DTNB: variants seen among roughly 807,000 people sequenced by gnomAD.
DTNB encodes the protein DTN-B.
DTNB carries 63 observed loss-of-function variants against 90.7 expected under a neutral mutation model. The ratio of observed to expected loss-of-function variants is 0.69; its 90% confidence interval spans 0.57 to 0.86. DTNB has a LOEUF of 0.86. Ranked by LOEUF, DTNB falls within the 40% of genes least tolerant of loss-of-function variation. DTNB has a pLI of 0.00. For synonymous variants in DTNB, 277 were observed against 286.7 expected (o/e 0.97, Z 0.34); for missense variants, 744 against 807.1 (o/e 0.92, Z 0.95).
intron 1 of DTNB, among the ~76,000 whole-genome samples, chr2:25,664,902 G>C (rs374598179): frequency 6.6e-6 from 1 of 152,168 alleles, no homozygotes; most frequent in South Asian, 2.1e-4. Context: ...GGCAACATGA[G>C]GCCTCAAGGA....
intron 9 of DTNB, among the ~76,000 whole-genome samples, chr2:25,515,422 AG>A (rs2074885717): frequency 6.6e-6 from 1 of 152,214 alleles, no homozygotes; most frequent in Non-Finnish European, 1.5e-5. Flanking sequence ...TACAGCTATA[AG>A]GACAGATACA....
chr2:25,561,859 T>G (rs989307110), intron 8 of DTNB, among the ~76,000 whole-genome samples: 1 of 152,220 alleles, frequency 6.6e-6, no homozygotes, highest in African/African-American at 2.4e-5. Context: ...CTTTATAAAT[T>G]ACCCAGTCTC....
chr2:25,486,869 T>C (rs142187855), intron 9 of DTNB, among the ~76,000 whole-genome samples: 1,539 of 152,318 alleles, frequency 0.01, 9 homozygotes, highest in Middle Eastern at 0.02. Context: ...ATGTTCTGTA[T>C]CTTCCTTTGG....
At chr2:25,448,707 A>T (rs1472532255) in intron 12 of DTNB, among the ~76,000 whole-genome samples, 1 of 152,028 alleles carries the variant, frequency 6.6e-6, no homozygotes, top group South Asian at 2.1e-4. Context: ...ACAAAAAATT[A>T]GCCGGGCGTG....
At chr2:25,591,043 G>A (rs759266074) in intron 6 of DTNB, among the ~76,000 whole-genome samples, 2 of 152,230 alleles carry the variant, frequency 1.3e-5, no homozygotes, top group Admixed American at 6.5e-5. Flanking sequence ...GTGCTGCCCC[G>A]AGCGTGTGCA....
At position 25,467,805 on chromosome 2, in the gene DTNB, T is replaced by C. The variant is rs189008392; in HGVS notation, c.1080-12311A>G. On this transcript the variant is annotated intron_variant, in intron 10 of 20. Coordinates refer to ENST00000406818, the MANE Select transcript of DTNB (RefSeq NM_021907.5). ...TGCTTATTGTTCTCAAAGGGTCCGATAGTAAATATTTTAGGCTTTGTAGGC... is the reference window on the plus strand; with the variant it reads ...TGCTTATTGTTCTCAAAGGGTCCGACAGTAAATATTTTAGGCTTTGTAGGC... Among the ~76,000 whole-genome samples, 112 of 152,330 alleles carry C rather than the reference T, an allele frequency of 7.4e-4. 1 individual carries two copies. The highest frequency in any genetic ancestry group is 2.6e-3 in the Admixed American group (40 of 15,304).
At chr2:25,523,785 T>C (rs947690999) in intron 9 of DTNB, among the ~76,000 whole-genome samples, 1 of 152,200 alleles carries the variant, frequency 6.6e-6, no homozygotes, top group Non-Finnish European at 1.5e-5. Context: ...AATGCAGTGG[T>C]TCTGTAAACT....
intron 9 of DTNB, among the ~76,000 whole-genome samples, chr2:25,495,490 T>C (rs535268561): frequency 6.6e-6 from 1 of 152,352 alleles, no homozygotes; most frequent in African/African-American, 2.4e-5. Context: ...TATTCCATTA[T>C]GATGAAGAGG....
chr2:25,664,144 T>C (rs2083845405), intron 1 of DTNB, among the ~76,000 whole-genome samples: 1 of 152,246 alleles, frequency 6.6e-6, no homozygotes, highest in African/African-American at 2.4e-5. Flanking sequence ...TTTTAAATAG[T>C]ATTTTTAGTA....
chr2:25,515,142 G>A (rs961355317), intron 9 of DTNB, among the ~76,000 whole-genome samples: 1 of 151,866 alleles, frequency 6.6e-6, no homozygotes, highest in African/African-American at 2.4e-5. Flanking sequence ...TGCAAACACA[G>A]AAGGCAAGAA....
intron 9 of DTNB, among the ~76,000 whole-genome samples, chr2:25,499,356 G>A (rs2069876583): frequency 1.3e-5 from 2 of 152,148 alleles, no homozygotes; most frequent in Non-Finnish European, 1.5e-5. Flanking sequence ...TCAGCTAACT[G>A]GTCTGTGAAA....
chr2:25,589,226 G>A (rs2148319605), intron 6 of DTNB, among the ~76,000 whole-genome samples: 1 of 152,234 alleles, frequency 6.6e-6, no homozygotes, highest in African/African-American at 2.4e-5. Context: ...CGTGAATCAA[G>A]GGAAATGTGG....
intron 10 of DTNB, among the ~76,000 whole-genome samples, chr2:25,466,598 T>G (rs2061831169): frequency 6.6e-6 from 1 of 152,224 alleles, no homozygotes; most frequent in Admixed American, 6.5e-5. Context: ...CTGAGGTGGC[T>G]GTCATTGCAA....
chr2:25,608,406 T>C (rs955041439), intron 4 of DTNB, among the ~76,000 whole-genome samples: 1 of 152,230 alleles, frequency 6.6e-6, no homozygotes, highest in Non-Finnish European at 1.5e-5. Flanking sequence ...TTTGTTACAG[T>C]TGAGCTTTTA....
chr2:25,474,254 G>A (rs1344484743), intron 10 of DTNB, among the ~76,000 whole-genome samples: 14 of 149,318 alleles, frequency 9.4e-5, no homozygotes, highest in African/African-American at 3.0e-4. Flanking sequence ...AGTTCTCTAA[G>A]ATTATGTGTT....
intron 10 of DTNB, among the ~76,000 whole-genome samples, chr2:25,473,971 G>A (rs916910165): frequency 3.3e-5 from 5 of 152,192 alleles, no homozygotes; most frequent in African/African-American, 1.2e-4. Context: ...TCACGCTCAG[G>A]ACCTCAAGCC....
At chr2:25,637,361 A>T (rs1477567641) in intron 3 of DTNB, among the ~76,000 whole-genome samples, 1 of 152,198 alleles carries the variant, frequency 6.6e-6, no homozygotes, top group Non-Finnish European at 1.5e-5. Context: ...GACAAATGGG[A>T]TCTAATTAAA....
At chr2:25,573,774 C>T (rs2060239269) in intron 8 of DTNB, among the ~76,000 whole-genome samples, 1 of 152,124 alleles carries the variant, frequency 6.6e-6, no homozygotes, top group Non-Finnish European at 1.5e-5. Flanking sequence ...ATCAAGTGTG[C>T]CACGTGACTG....
intron 11 of DTNB, among the ~76,000 whole-genome samples, chr2:25,452,899 C>A (rs567199400): frequency 1.3e-5 from 2 of 151,590 alleles, no homozygotes; most frequent in African/African-American, 4.8e-5. Context: ...GGATGATCAC[C>A]CTCTCAAAAA....
Sources: allele counts gnomAD v4.1 joint callset (sites outside exome capture counted in the v4.1 genomes callset), GRCh38; gene constraint gnomAD v4.1.1; transcripts MANE v1.5; gene names NCBI Gene and HGNC (gene_info 2026-07-23, HGNC 2026-07-21).